Variants in NELFA observed in about 807,000 individuals in gnomAD.
NELFA encodes the protein negative elongation factor A.
A neutral mutation model predicts 51.8 loss-of-function variants in NELFA; 35 were observed. That is an observed-to-expected ratio of 0.68 (90% CI 0.52 to 0.90). The LOEUF is 0.90. NELFA is among the 40% of genes least tolerant of loss of function. The pLI is 0.00. For synonymous variants in NELFA, 417 were observed against 338.4 expected (o/e 1.23, Z -2.55); for missense variants, 658 against 746.4 (o/e 0.88, Z 1.38).
chr4:2,004,516 C>T (rs1241255960), intron 1 of NELFA, among the ~76,000 whole-genome samples: 2 of 151,952 alleles, frequency 1.3e-5, no homozygotes, highest in Non-Finnish European at 2.9e-5. Flanking sequence ...GAGACAGGGT[C>T]TCATTCTGTC....
intron 10 of NELFA, 32 bp downstream of exon 10, chr4:1,983,564 G>T (rs746264467): frequency 2.5e-6 from 4 of 1,612,702 alleles, no homozygotes; most frequent in Non-Finnish European, 1.7e-6. Flanking sequence ...ACCCGGCCCG[G>T]TGCACCCCCA....
At chr4:2,002,708 C>T (rs944316830) in intron 1 of NELFA, among the ~76,000 whole-genome samples, 1 of 152,190 alleles carries the variant, frequency 6.6e-6, no homozygotes, top group African/African-American at 2.4e-5. Flanking sequence ...GGACCTCTTC[C>T]TTACACCTCA....
intron 2 of NELFA, among the ~76,000 whole-genome samples, chr4:1,990,751 G>C (rs537385134): frequency 6.6e-6 from 1 of 152,350 alleles, no homozygotes; most frequent in East Asian, 1.9e-4. Flanking sequence ...ACTCAGAAAA[G>C]CACAAGCATC....
intron 1 of NELFA, chr4:2,007,944 A>T (rs1188600877): frequency 2.2e-6 from 1 of 456,696 alleles, no homozygotes; most frequent in Admixed American, 2.4e-5. Context: ...TATAAAGTTT[A>T]GGAAAAAAGA....
intron 8 of NELFA, 149 bp downstream of exon 8, chr4:1,984,659 G>C: frequency 1.6e-6 from 1 of 616,102 alleles, no homozygotes; most frequent in Non-Finnish European, 2.8e-6. Flanking sequence ...CTGAACAGCG[G>C]GGCATCTGCC....
chr4:1,983,334 C>T lies in NELFA; in HGVS notation c.1572G>A (p.Met524Ile), dbSNP rs919455853. ...GCAGGTGGTTCTAGGACACATTGGTCATGGGCTTGTACTTCTTGAAGCGCG... is the reference window on the plus strand; with the variant it reads ...GCAGGTGGTTCTAGGACACATTGGTTATGGGCTTGTACTTCTTGAAGCGCG... ...QWTRFKKYKPMTNVS is the reference protein window; with the variant it reads ...QWTRFKKYKPITNVS Residue 524 changes from methionine to isoleucine, a missense_variant, in exon 11 of 11, where the codon ATG becomes ATA. Met to Ile is a conservative substitution (Grantham distance 10). Around this residue, in one of 3 missense-constraint regions of NELFA, gnomAD observed 87 missense variants for 130.2 expected, o/e 0.67. Transcript: ENST00000382882. The T allele has an allele frequency of 6.2e-6, 10 of 1,613,910 alleles. No individual in the cohort carries two copies. Among genetic ancestry groups the T allele is most frequent in the Non-Finnish European group, 7.6e-6 (9 of 1,179,970 alleles).
intron 1 of NELFA, among the ~76,000 whole-genome samples, chr4:2,002,656 G>T (rs921677357): frequency 6.6e-6 from 1 of 152,168 alleles, no homozygotes; most frequent in Non-Finnish European, 1.5e-5. Flanking sequence ...TCAGTAAATG[G>T]TGCTGGGAAA....
Position 1,983,268 on chromosome 4 carries a change from C to A in NELFA, c.*51G>T. On this transcript the variant is annotated 3_prime_UTR_variant, in exon 11 of 11. Transcript: ENST00000382882. ...TCCGGTTACTTTAAGCTGGCAAAGC[C>A]ATCGTCCCGTGGACCCCCACAAGTG... The A allele has an allele frequency of 6.4e-7, 1 of 1,561,354 alleles. No homozygotes were observed. The highest frequency in any genetic ancestry group is 8.7e-7 in the Non-Finnish European group (1 of 1,146,260).
chr4:1,991,989 G>T, intron 1 of NELFA: 1 of 393,294 alleles, frequency 2.5e-6, no homozygotes, highest in Non-Finnish European at 4.5e-6. Context: ...CAGTCCACTG[G>T]GCCTACTCTT....
chr4:2,007,733 T>C (rs1200088748), intron 1 of NELFA, among the ~76,000 whole-genome samples: 1 of 152,208 alleles, frequency 6.6e-6, no homozygotes, highest in Non-Finnish European at 1.5e-5. Context: ...TGTGTAAGGA[T>C]CACAGGAGTG....
At position 1,985,781 on chromosome 4, in the gene NELFA, T is replaced by TG; in HGVS notation, c.918dup (p.Thr307HisfsTer10). 6.2e-7 allele frequency: 1 copy of TG among 1,613,002 alleles called. No individual in the cohort carries two copies. Among genetic ancestry groups the TG allele is most frequent in the Non-Finnish European group, 8.5e-7 (1 of 1,179,670 alleles). On this transcript the variant is annotated frameshift_variant, in exon 7 of 11. Coordinates refer to ENST00000382882, the MANE Select transcript of NELFA (RefSeq NM_005663.5). LOFTEE classifies it high-confidence loss of function. ...GGTGCAGCCCCGAGCCCTACCTGCG[T>TG]GGACACCAGGCCGGCTGCGTAGTCC...
intron 1 of NELFA, among the ~76,000 whole-genome samples, chr4:2,006,604 C>T (rs558737583): frequency 6.6e-6 from 1 of 151,840 alleles, no homozygotes; most frequent in South Asian, 2.1e-4. Context: ...CCCCCATCTC[C>T]ATACACATGC....
At position 1,985,591 on chromosome 4, in the gene NELFA, T is replaced by C. The variant is rs17132124; in HGVS notation, c.924+185A>G. On this transcript the variant is annotated intron_variant, in intron 7 of 10. Transcript: ENST00000382882. The stretch of plus-strand genomic sequence containing the variant: ...GTTCCCGCTCCAAGCCTGAGTCAGA[T>C]GCCCATGTCAGGGCACGGCCCACAC... Among the ~76,000 whole-genome samples the C allele has an allele frequency of 4.5e-3, 683 of 152,332 alleles. 4 individuals carry two copies. Among genetic ancestry groups the C allele is most frequent in the African/African-American group, 0.016 (657 of 41,574 alleles).
chr4:1,983,187 G>A lies in NELFA; in HGVS notation c.*132C>T, dbSNP rs962203914. ...AGAAATGCATCCAGAACTTAAAACA[G>A]GCTGGGTCAGCAGCAGGGCGGCGGC... On this transcript the variant is annotated 3_prime_UTR_variant, in exon 11 of 11. Transcript: ENST00000382882. The A allele has an allele frequency of 1.2e-6, 1 of 827,384 alleles. No homozygotes were observed. Among genetic ancestry groups the A allele is most frequent in the African/African-American group, 1.7e-5 (1 of 58,278 alleles). 51.3% of individuals were successfully genotyped at this position (827,384 alleles called of 1,614,324 possible).
At chr4:2,006,244 G>A (rs192052499) in intron 1 of NELFA, among the ~76,000 whole-genome samples, 2 of 152,304 alleles carry the variant, frequency 1.3e-5, no homozygotes, top group Admixed American at 6.5e-5. Context: ...TCAACGTTGG[G>A]TGCTGGACTA....
At chr4:2,008,032 C>G (rs1728756814) in intron 1 of NELFA, 1 of 456,832 alleles carries the variant, frequency 2.2e-6, no homozygotes, top group South Asian at 1.5e-5. Flanking sequence ...ACAGAGCGCT[C>G]CGGACGGCCG....
In NELFA at chr4:1,985,679, T is replaced by C. The variant is rs555938790; in HGVS notation, c.924+97A>G. ...CAGACTGCACACATATGTACATACATATATATATTCTCCGACAGAGCACAC... is the reference window on the plus strand; with the variant it reads ...CAGACTGCACACATATGTACATACACATATATATTCTCCGACAGAGCACAC... On this transcript the variant is annotated intron_variant, in intron 7 of 10. Coordinates refer to ENST00000382882, the MANE Select transcript of NELFA (RefSeq NM_005663.5). The C allele has an allele frequency of 6.5e-5, 56 of 855,610 alleles. No homozygotes were observed. The South Asian group carries it at 8.5e-4, about 13-fold the overall frequency. The allele number at this position is 855,610 out of a possible 1,614,324, so 53.0% of individuals were successfully genotyped here. A position where few individuals can be genotyped will look rare whatever the true frequency, so the allele number is the denominator to read the frequency against.
At chr4:1,987,815 A>G in intron 4 of NELFA, 103 bp downstream of exon 4, 2 of 974,726 alleles carry the variant, frequency 2.1e-6, no homozygotes, top group South Asian at 3.4e-5. Context: ...CTGCCTGAAG[A>G]CCATTCACAG....
intron 1 of NELFA, chr4:1,992,336 AG>A (rs1436127938): frequency 3.7e-6 from 1 of 266,808 alleles, no homozygotes; most frequent in Non-Finnish European, 7.6e-6. Flanking sequence ...GAGTGAGGCC[AG>A]GGCCTTGGGG....
Sources: gnomAD v4.1 joint callset for allele counts (sites outside exome capture counted in the v4.1 genomes callset) on GRCh38, gnomAD v4.1.1 for gene constraint, gnomAD v4.1.1 regional missense constraint, MANE v1.5 for transcripts, NCBI Gene and HGNC (gene_info 2026-07-23, HGNC 2026-07-21) for gene names.